The following ATG16L2 variants were observed in gnomAD, a reference collection of about 807,000 sequenced individuals.
ATG16L2 encodes the protein autophagy related 16 like 2.
Under a neutral mutation model 84.7 loss-of-function variants are expected in ATG16L2, and 77 were observed. The observed-to-expected ratio is 0.91, with a 90% CI of 0.76 to 1.10. The LOEUF (loss-of-function observed/expected upper bound fraction) is 1.10. Among genes scored for constraint, ATG16L2 ranks in the 50% least tolerant of loss-of-function variants. The pLI, the probability that ATG16L2 is intolerant of heterozygous loss-of-function variation, is 0.00. For missense variants in ATG16L2, 782 were observed against 817.6 expected (o/e 0.96, Z 0.53); for synonymous variants, 361 against 342.8 (o/e 1.05, Z -0.59).
At chr11:72,835,465 T>C (rs1038831536) in intron 5 of ATG16L2, among the ~76,000 whole-genome samples, 3 of 152,022 alleles carry the variant, frequency 2.0e-5, no homozygotes, top group Non-Finnish European at 4.4e-5. Context: ...GAGTTCGTGG[T>C]GACCAGCCTG....
Position 72,821,802 on chromosome 11 carries a change from A to C in ATG16L2, c.392+61A>C, listed in dbSNP as rs1338515113. The C allele has an allele frequency of 2.0e-6, 3 of 1,508,896 alleles. No individual in the cohort carries two copies. The Admixed American group carries it at 6.3e-5, about 32-fold the overall frequency. The allele number at this position is 1,508,896 out of a possible 1,614,324, so 93.5% of individuals were successfully genotyped here. On this transcript the variant is annotated intron_variant, in intron 4 of 17. Transcript: ENST00000321297. ...ACCTCAGGGAGGCCCGGGGCCAACTATACGGGAGGCGGGGGGAATGGCGCG... is the reference window on the plus strand; with the variant it reads ...ACCTCAGGGAGGCCCGGGGCCAACTCTACGGGAGGCGGGGGGAATGGCGCG...
At chr11:72,820,509 G>C (rs1315156710) in intron 3 of ATG16L2, among the ~76,000 whole-genome samples, 2 of 152,228 alleles carry the variant, frequency 1.3e-5, no homozygotes, top group East Asian at 3.8e-4. Context: ...TGACAAGTGA[G>C]AAAGTGGAGG....
intron 5 of ATG16L2, among the ~76,000 whole-genome samples, chr11:72,841,932 T>C (rs1317039371): frequency 1.3e-5 from 2 of 152,240 alleles, no homozygotes; most frequent in African/African-American, 4.8e-5. Context: ...GTTGGATTTT[T>C]TGGGGTGAAG....
At chr11:72,830,136 G>A (rs1266993406), downstream of ATG16L2, among the ~76,000 whole-genome samples, 2 of 152,162 alleles carry the variant, frequency 1.3e-5, no homozygotes, top group Admixed American at 6.5e-5. Context: ...GGGCAGCTGT[G>A]GGCCAGATCT....
intron 3 of ATG16L2, 151 bp from the exon 4 acceptor site, chr11:72,821,517 G>C: frequency 1.4e-6 from 2 of 1,442,026 alleles, no homozygotes; most frequent in Non-Finnish European, 1.8e-6. Flanking sequence ...GCGCGTCCCT[G>C]TGCAAGGTCC....
chr11:72,825,198 C>T (rs542244117), intron 9 of ATG16L2, 104 bp from the exon 10 acceptor site: 37 of 848,990 alleles, frequency 4.4e-5, no homozygotes, highest in Admixed American at 4.0e-4. Context: ...GATACCACGT[C>T]TGCAGCAGGC....
rs1181078289 is a variant in ATG16L2 at position 72,829,564 on chromosome 11, C to A, written c.*174C>A. The A allele has an allele frequency of 1.5e-6, 2 of 1,373,380 alleles. No homozygotes were observed. The highest frequency in any genetic ancestry group is 1.7e-5 in the South Asian group (1 of 58,016). 85.1% of individuals were successfully genotyped at this position (1,373,380 alleles called of 1,614,324 possible). A position where few individuals can be genotyped will look rare whatever the true frequency, so the allele number is the denominator to read the frequency against. On this transcript the variant is annotated 3_prime_UTR_variant, in exon 18 of 18. Transcript: ENST00000321297. ...ATGAAGTATGGGTTGGGGGATTACG[C>A]TAGTTTTTCTTTGTATTTTTATCTC...
intron 5 of ATG16L2, chr11:72,837,164 TA>T (rs1482384927): frequency 2.0e-5 from 3 of 152,212 alleles, no homozygotes; most frequent in African/African-American, 7.2e-5. Context: ...ATTTCTTTTT[TA>T]AACTTAAGAA....
At chr11:72,830,170 G>A (rs1860575628), downstream of ATG16L2, among the ~76,000 whole-genome samples, 1 of 152,138 alleles carries the variant, frequency 6.6e-6, no homozygotes, top group Non-Finnish European at 1.5e-5. Context: ...TGCTTACAAG[G>A]CAGAGCCCAC....
downstream of ATG16L2, among the ~76,000 whole-genome samples, chr11:72,830,696 G>A (rs1860587806): frequency 6.6e-6 from 1 of 152,202 alleles, no homozygotes; most frequent in Admixed American, 6.5e-5. Flanking sequence ...TTCCCCTGCT[G>A]CCTTCAGAGA....
At chr11:72,823,966 C>T in intron 7 of ATG16L2, 94 bp from the exon 8 acceptor site, 2 of 1,397,948 alleles carry the variant, frequency 1.4e-6, no homozygotes, top group Admixed American at 1.7e-5. Flanking sequence ...AGGTTACAAG[C>T]CTCCAGGTCT....
intron 7 of ATG16L2, chr11:72,823,450 C>T (rs768462299): frequency 5.6e-5 from 20 of 354,670 alleles, no homozygotes; most frequent in Non-Finnish European, 1.1e-4. Context: ...ACCTTGGGTG[C>T]CTGTCCGCAG....
intron 7 of ATG16L2, chr11:72,823,843 C>A (rs1349996403): frequency 7.1e-6 from 5 of 708,360 alleles, no homozygotes; most frequent in African/African-American, 6.9e-5. Context: ...ATGAGGGAGA[C>A]CTTGGGAGAC....
chr11:72,832,343 T>G (rs995138383), downstream of ATG16L2, among the ~76,000 whole-genome samples: 1 of 152,158 alleles, frequency 6.6e-6, no homozygotes, highest in African/African-American at 2.4e-5. Context: ...AGGGAGCACA[T>G]GTTCACCTTA....
downstream of ATG16L2, among the ~76,000 whole-genome samples, chr11:72,832,597 A>G (rs763049308): frequency 1.2e-4 from 19 of 152,212 alleles, no homozygotes; most frequent in Non-Finnish European, 2.6e-4. Context: ...GGCTCTCAGC[A>G]GTCACTGCCC....
chr11:72,822,644 C>A lies in ATG16L2; in HGVS notation c.710+101C>A. Reference sequence around the variant, plus strand: ...CGACTGTACTTGTGCACAGCCCCGTCCTGAGGCCCCCATGTGGTCGGAGCC... The same window carrying A: ...CGACTGTACTTGTGCACAGCCCCGTACTGAGGCCCCCATGTGGTCGGAGCC... On this transcript the variant is annotated intron_variant, in intron 6 of 17. Coordinates refer to ENST00000321297, the MANE Select transcript of ATG16L2 (RefSeq NM_033388.2). The surrounding 1 kb of genome is among the most constrained non-coding windows in gnomAD (Gnocchi z 4.2). The A allele has an allele frequency of 6.8e-7, 1 of 1,465,086 alleles. No individual in the cohort carries two copies. Among genetic ancestry groups the A allele is most frequent in the South Asian group, 1.2e-5 (1 of 81,180 alleles). 90.8% of individuals were successfully genotyped at this position (1,465,086 alleles called of 1,614,324 possible). A position where few individuals can be genotyped will look rare whatever the true frequency, so the allele number is the denominator to read the frequency against.
At chr11:72,826,476 C>T (rs1288247810) in intron 11 of ATG16L2, 42 bp from the exon 12 acceptor site, 3 of 1,611,182 alleles carry the variant, frequency 1.9e-6, no homozygotes, top group Middle Eastern at 1.9e-4. Context: ...AAGAATGTTG[C>T]CTCCGGCTTA....
chr11:72,828,956 C>T lies in ATG16L2; in HGVS notation c.1744C>T (p.Leu582=). ...CATCTGGGATGTGGACACCGGGAAA[C>T]TGGAGAGCAGACTACAGGGACCCCA... is the stretch of plus-strand genomic sequence containing the variant. The part of the protein sequence containing the change: ...LYIWDVDTGK[L]ESRLQGPHCA... Residue 582 remains leucine, a synonymous_variant, in exon 17 of 18, where the codon CTG becomes TTG. Transcript: ENST00000321297. 1 of 1,614,174 alleles carries T rather than the reference C, an allele frequency of 6.2e-7. No individual in the cohort carries two copies.
chr11:72,843,381 C>T, exon 6 of ATG16L2: 1 of 1,609,574 alleles, frequency 6.2e-7, no homozygotes, highest in Non-Finnish European at 8.5e-7. Flanking sequence ...TTAGACAGGG[C>T]ACAACAAAGA....
Sources: allele counts gnomAD v4.1 joint callset (sites outside exome capture counted in the v4.1 genomes callset), GRCh38; gene constraint gnomAD v4.1.1; non-coding constraint Gnocchi (gnomAD v3.1); transcripts MANE v1.5; gene names NCBI Gene and HGNC (gene_info 2026-07-23, HGNC 2026-07-21).